Variants in APP observed in about 807,000 individuals in gnomAD.
The protein encoded by APP is amyloid-beta precursor protein.
In APP, 31 loss-of-function variants were observed where a neutral mutation model predicts 101.4. That is an observed-to-expected ratio of 0.31 (90% confidence interval 0.23 to 0.41). The LOEUF (loss-of-function observed/expected upper bound fraction) is 0.41, where lower values mean the gene tolerates loss of function less well. Among genes scored for constraint, APP ranks in the 10% least tolerant of loss-of-function variants. The pLI is 1.00. For missense variants in APP, 839 were observed against 1,003.7 expected (o/e 0.84, Z 2.22); for synonymous variants, 366 against 364.4 (o/e 1.00, Z -0.05).
intron 3 of APP, among the ~76,000 whole-genome samples, chr21:26,084,439 C>A (rs1244457223): frequency 3.3e-5 from 5 of 152,062 alleles, no homozygotes; most frequent in African/African-American, 1.2e-4. Flanking sequence ...GGGGTTTCAC[C>A]GTTGTTAGCC....
At chr21:25,983,373 A>G (rs1383647043) in intron 8 of APP, among the ~76,000 whole-genome samples, 2 of 152,212 alleles carry the variant, frequency 1.3e-5, no homozygotes, top group Non-Finnish European at 2.9e-5. Flanking sequence ...GATCAAATCA[A>G]TTGTTTCATT....
chr21:25,917,504 A>G (rs918873553), intron 13 of APP, among the ~76,000 whole-genome samples: 19 of 152,242 alleles, frequency 1.2e-4, no homozygotes, highest in African/African-American at 4.1e-4. Flanking sequence ...AGATGAATTC[A>G]TCCAATATTC....
intron 5 of APP, among the ~76,000 whole-genome samples, chr21:26,035,871 T>C (rs1301734336): frequency 6.6e-6 from 1 of 152,096 alleles, no homozygotes; most frequent in East Asian, 1.9e-4. Flanking sequence ...CCAGAATTCA[T>C]AGGATGTGCA....
intron 6 of APP, among the ~76,000 whole-genome samples, chr21:26,020,211 T>C (rs9941877): frequency 0.58 from 88,821 of 152,100 alleles, 28,640 homozygotes; most frequent in Non-Finnish European, 0.74. Flanking sequence ...ATCCCACTTA[T>C]AATAACAGTC....
At chr21:25,932,156 G>C (rs2040176477) in intron 13 of APP, among the ~76,000 whole-genome samples, 1 of 152,152 alleles carries the variant, frequency 6.6e-6, no homozygotes, top group Non-Finnish European at 1.5e-5. Context: ...AAAGTGCAAT[G>C]GGTTTTAAAT....
chr21:25,917,411 T>C (rs1490362460), intron 13 of APP, among the ~76,000 whole-genome samples: 2 of 152,152 alleles, frequency 1.3e-5, no homozygotes, highest in African/African-American at 2.4e-5. Flanking sequence ...AACAGCTAAA[T>C]ATTTTGTTTT....
chr21:25,973,943 T>TAAAAAAAAAAAAA (rs369334912), intron 11 of APP, among the ~76,000 whole-genome samples: 1 of 111,142 alleles, frequency 9.0e-6, no homozygotes. Context: ...CCATCTCATT[T>TAAAAAAAAAAAAA]AAAAAAAAAA....
At chr21:25,905,736 C>T (rs1031425742) in intron 14 of APP, among the ~76,000 whole-genome samples, 2 of 152,146 alleles carry the variant, frequency 1.3e-5, no homozygotes, top group African/African-American at 4.8e-5. Context: ...TTTATATTTG[C>T]CATTGTTCAC....
intron 17 of APP, among the ~76,000 whole-genome samples, chr21:25,886,693 C>T (rs1159318013): frequency 1.3e-5 from 2 of 152,140 alleles, no homozygotes; most frequent in Admixed American, 6.5e-5. Context: ...CCACGCCTGG[C>T]CTGTGATCAT....
At chr21:26,082,931 G>A (rs1402584295) in intron 3 of APP, among the ~76,000 whole-genome samples, 1 of 152,114 alleles carries the variant, frequency 6.6e-6, no homozygotes, top group Admixed American at 6.5e-5. Flanking sequence ...TCCTAAGGTG[G>A]AAATTTGGAA....
In APP at chr21:25,894,182, C is replaced by T. The variant is rs144518241; in HGVS notation, c.2065-2314G>A. 3.1e-3 allele frequency among the ~76,000 whole-genome samples: 473 copies of T among 152,302 alleles called. 1 individual carries two copies. The highest frequency in any genetic ancestry group is 0.011 in the African/African-American group (442 of 41,554). On this transcript the variant is annotated intron_variant, in intron 16 of 17. Transcript: ENST00000346798. ...AATATTACTGCTCACTAACAAAGCACCTAGTCACCCAAGAGCTCTGAAGGA... is the reference window on the plus strand; with the variant it reads ...AATATTACTGCTCACTAACAAAGCATCTAGTCACCCAAGAGCTCTGAAGGA...
intron 8 of APP, among the ~76,000 whole-genome samples, chr21:25,990,755 C>A (rs11702040): frequency 1 from 152,314 of 152,314 alleles, 76,157 homozygotes; most frequent in Non-Finnish European, 1. Context: ...TGGTTATTTA[C>A]CTCTACGGCA....
At chr21:26,101,047 G>T (rs2062043815) in intron 2 of APP, among the ~76,000 whole-genome samples, 1 of 145,990 alleles carries the variant, frequency 6.8e-6, no homozygotes, top group South Asian at 2.2e-4. Flanking sequence ...GTTATTAAAA[G>T]AATAGAGAGG....
intron 8 of APP, among the ~76,000 whole-genome samples, chr21:25,994,331 G>GT (rs527336754): frequency 3.4e-4 from 51 of 150,758 alleles, no homozygotes; most frequent in East Asian, 5.8e-4. Context: ...ATGAGAAAGG[G>GT]TTTTTTTTTA....
At chr21:26,113,970 T>C (rs1241270662) in intron 1 of APP, among the ~76,000 whole-genome samples, 2 of 152,338 alleles carry the variant, frequency 1.3e-5, no homozygotes, top group African/African-American at 2.4e-5. Context: ...CCGTAAGGAA[T>C]GTACAATCCA....
chr21:25,997,209 A>G (rs1197637713), intron 8 of APP, 151 bp downstream of exon 8: 6 of 749,198 alleles, frequency 8.0e-6, no homozygotes, highest in Non-Finnish European at 1.4e-5. Context: ...ATCAGATGTA[A>G]TTACAAGCAA....
chr21:25,952,705 T>C (rs1362012296), intron 13 of APP, among the ~76,000 whole-genome samples: 1 of 152,106 alleles, frequency 6.6e-6, no homozygotes, highest in Non-Finnish European at 1.5e-5. Context: ...CCACTTCAAC[T>C]GAAGTCACAT....
rs568995489 is a variant in APP at position 26,039,337 on chromosome 21, G to A, written c.662+11663C>T. ...GCTCTTCACAAAGGCTGGCAATTAG[G>A]TCACTAAGCAAAAAATCTTGGAAGA... On this transcript the variant is annotated intron_variant, in intron 5 of 17. Coordinates refer to ENST00000346798, the MANE Select transcript of APP (RefSeq NM_000484.4). Among the ~76,000 whole-genome samples the A allele has an allele frequency of 6.6e-5, 10 of 152,328 alleles. No individual in the cohort carries two copies. The East Asian group carries it at 1.9e-3, about 29-fold the overall frequency.
chr21:26,030,990 A>G (rs1427107213), intron 5 of APP, among the ~76,000 whole-genome samples: 1 of 152,222 alleles, frequency 6.6e-6, no homozygotes, highest in Non-Finnish European at 1.5e-5. Flanking sequence ...AAGGAAAGAT[A>G]TAAGAAAACT....
Sources: allele counts gnomAD v4.1 joint callset (sites outside exome capture counted in the v4.1 genomes callset), GRCh38; gene constraint gnomAD v4.1.1; transcripts MANE v1.5; gene names NCBI Gene and HGNC (gene_info 2026-07-23, HGNC 2026-07-21).